The following ENOX1 variants were observed in gnomAD, a reference collection of about 807,000 sequenced individuals.
ENOX1 encodes the protein candidate growth-related and time keeping constitutive hydroquinone (NADH) oxidase.
ENOX1 carries 42 observed loss-of-function variants against 82.5 expected under a neutral mutation model. That is an observed-to-expected ratio of 0.51 (90% CI 0.40 to 0.66). The LOEUF (loss-of-function observed/expected upper bound fraction) is 0.66. Among genes scored for constraint, ENOX1 ranks in the 30% least tolerant of loss-of-function variants. ENOX1 has a pLI of 0.00. For missense variants in ENOX1, 608 were observed against 811.6 expected, an observed-to-expected ratio of 0.75 and a Z score of 3.05; for synonymous variants, 271 against 282.2, an observed-to-expected ratio of 0.96 and a Z score of 0.40.
rs766129345 is a variant in ENOX1 at position 43,214,067 on chromosome 13, G to GTT, written c.1853_1854dup (p.Gln619AsnfsTer40). 6.2e-7 allele frequency: 1 copy of GTT among 1,613,498 alleles called. No individual in the cohort carries two copies. Among genetic ancestry groups the GTT allele is most frequent in the South Asian group, 1.1e-5 (1 of 90,944 alleles). ...GTGGCTCCCACACCCGTGAATTCCT[G>GTT]TTTGAACATGCGTGGCAGCCTCATC... On this transcript the variant is annotated frameshift_variant, in exon 17 of 17. Transcript: ENST00000690772. LOFTEE classifies it high-confidence loss of function.
intron 16 of ENOX1, among the ~76,000 whole-genome samples, chr13:43,223,474 T>C (rs1336713337): frequency 6.6e-6 from 1 of 152,160 alleles, no homozygotes; most frequent in African/African-American, 2.4e-5. Flanking sequence ...AGCTAATTTG[T>C]GGATGGGAAA....
chr13:43,303,952 T>C (rs1465344558), intron 11 of ENOX1, among the ~76,000 whole-genome samples: 1 of 152,216 alleles, frequency 6.6e-6, no homozygotes, highest in Non-Finnish European at 1.5e-5. Flanking sequence ...ATTCCTAAAC[T>C]GGGGTTGTGG....
At chr13:43,359,204 G>A (rs118074727) in intron 7 of ENOX1, among the ~76,000 whole-genome samples, 1,552 of 152,314 alleles carry the variant, frequency 0.01, 12 homozygotes, top group Non-Finnish European at 0.017. Flanking sequence ...AGTGAGTTCA[G>A]TCTGAGAATG....
intron 2 of ENOX1, among the ~76,000 whole-genome samples, chr13:43,505,783 T>G (rs1346624313): frequency 2.0e-5 from 3 of 152,182 alleles, no homozygotes; most frequent in African/African-American, 7.2e-5. Flanking sequence ...ATTGTGGCTT[T>G]TGTTGCCGTT....
At chr13:43,714,366 G>A (rs2153815230) in intron 1 of ENOX1, among the ~76,000 whole-genome samples, 1 of 152,254 alleles carries the variant, frequency 6.6e-6, no homozygotes, top group Non-Finnish European at 1.5e-5. Context: ...GATGTGGTGT[G>A]GTGCTGAAAA....
chr13:43,710,473 A>G (rs1350134890), intron 1 of ENOX1, among the ~76,000 whole-genome samples: 3 of 152,182 alleles, frequency 2.0e-5, no homozygotes, highest in Non-Finnish European at 4.4e-5. Context: ...GGTAAAGGTT[A>G]TATAGCAAAA....
intron 2 of ENOX1, among the ~76,000 whole-genome samples, chr13:43,595,465 G>C (rs1165422963): frequency 6.6e-6 from 1 of 152,044 alleles, no homozygotes. Context: ...ACAACGTGCA[G>C]GTCTCTTATG....
intron 2 of ENOX1, among the ~76,000 whole-genome samples, chr13:43,567,990 T>C (rs1433544976): frequency 1.3e-5 from 2 of 152,220 alleles, no homozygotes; most frequent in Non-Finnish European, 2.9e-5. Context: ...ATGACATTTA[T>C]AGATGTTTAC....
intron 5 of ENOX1, among the ~76,000 whole-genome samples, chr13:43,369,530 C>T (rs1044283078): frequency 6.6e-6 from 1 of 152,230 alleles, no homozygotes; most frequent in Non-Finnish European, 1.5e-5. Context: ...AGTCCCATCA[C>T]AAAGTTGACA....
intron 5 of ENOX1, among the ~76,000 whole-genome samples, chr13:43,380,163 A>G (rs952306687): frequency 6.6e-6 from 1 of 151,874 alleles, no homozygotes; most frequent in African/African-American, 2.4e-5. Context: ...AGAAATATTA[A>G]AAAGGAATTC....
At chr13:43,558,087 G>A (rs926925171) in intron 2 of ENOX1, among the ~76,000 whole-genome samples, 3 of 152,190 alleles carry the variant, frequency 2.0e-5, no homozygotes, top group African/African-American at 4.8e-5. Flanking sequence ...TTGGAAGGCT[G>A]CTTCTGTGGT....
intron 2 of ENOX1, among the ~76,000 whole-genome samples, chr13:43,571,306 T>C (rs2080167852): frequency 6.6e-6 from 1 of 152,200 alleles, no homozygotes; most frequent in Admixed American, 6.5e-5. Flanking sequence ...ACACTCCATC[T>C]GTCTCACTCT....
At chr13:43,269,726 C>T (rs2044579752) in intron 12 of ENOX1, 149 bp from the exon 13 acceptor site, 2 of 642,282 alleles carry the variant, frequency 3.1e-6, no homozygotes, top group Non-Finnish European at 5.5e-6. Flanking sequence ...GTGTTTTCCG[C>T]ACTAAGTATC....
intron 2 of ENOX1, among the ~76,000 whole-genome samples, chr13:43,659,757 A>C (rs1021462214): frequency 1.3e-5 from 2 of 151,966 alleles, no homozygotes; most frequent in Non-Finnish European, 1.5e-5. Flanking sequence ...CTTGAGTTCT[A>C]TTTTTAGGTT....
chr13:43,528,486 T>C (rs1228253724), intron 2 of ENOX1, among the ~76,000 whole-genome samples: 2 of 152,142 alleles, frequency 1.3e-5, no homozygotes, highest in Non-Finnish European at 2.9e-5. Flanking sequence ...AGAATACCTA[T>C]TGCCTATATT....
At chr13:43,466,183 G>A (rs772181406) in intron 3 of ENOX1, among the ~76,000 whole-genome samples, 1 of 151,690 alleles carries the variant, frequency 6.6e-6, no homozygotes, top group Non-Finnish European at 1.5e-5. Flanking sequence ...CCAGGTATAA[G>A]ACACAGTGGA....
chr13:43,778,813 G>C (rs900507801), intron 1 of ENOX1, among the ~76,000 whole-genome samples: 1 of 152,158 alleles, frequency 6.6e-6, no homozygotes, highest in African/African-American at 2.4e-5. Context: ...GCCCTTTCAG[G>C]GGTGCCAAGT....
chr13:43,403,881 A>G (rs546405962), intron 5 of ENOX1, among the ~76,000 whole-genome samples: 1 of 152,276 alleles, frequency 6.6e-6, no homozygotes, highest in East Asian at 1.9e-4. Context: ...AAAAGAAACA[A>G]AAGAAATATT....
intron 11 of ENOX1, among the ~76,000 whole-genome samples, chr13:43,306,541 C>G (rs1014990838): frequency 5.9e-5 from 9 of 152,312 alleles, no homozygotes; most frequent in African/African-American, 2.2e-4. Flanking sequence ...GACAGTGCAC[C>G]TCCCTTGGGT....
Sources: gnomAD v4.1 joint callset for allele counts (sites outside exome capture counted in the v4.1 genomes callset) on GRCh38, gnomAD v4.1.1 for gene constraint, MANE v1.5 for transcripts, NCBI Gene and HGNC (gene_info 2026-07-23, HGNC 2026-07-21) for gene names.